The following LINGO2 variants were observed in gnomAD, a reference collection of about 807,000 sequenced individuals.
The protein encoded by LINGO2 is leucine rich repeat and Ig domain containing 2.
In LINGO2, 14 loss-of-function variants were observed where a neutral mutation model predicts 30.6. That is an observed-to-expected ratio of 0.46 (90% CI 0.30 to 0.72). The LOEUF is 0.72. Among genes scored for constraint, LINGO2 ranks in the 30% least tolerant of loss-of-function variants. The pLI, the probability that LINGO2 is intolerant of heterozygous loss-of-function variation, is 0.07. For missense variants in LINGO2, 729 were observed against 751.7 expected (o/e 0.97, Z 0.35); for synonymous variants, 317 against 288.5 (o/e 1.10, Z -1.00).
intron 1 of LINGO2, among the ~76,000 whole-genome samples, chr9:28,658,008 T>A (rs554092173): frequency 6.6e-6 from 1 of 152,190 alleles, no homozygotes; most frequent in South Asian, 2.1e-4. Context: ...CTTTTTCCCA[T>A]TGGTGGTTTG....
the LINGO2 span, among the ~76,000 whole-genome samples, chr9:28,795,953 C>T: frequency 6.8e-6 from 1 of 146,246 alleles, no homozygotes; most frequent in African/African-American, 2.6e-5. Flanking sequence ...TCAATGTATA[C>T]CTTTATATAT....
At chr9:28,403,153 G>T in intron 2 of LINGO2, among the ~76,000 whole-genome samples, 1 of 152,122 alleles carries the variant, frequency 6.6e-6, no homozygotes, top group Admixed American at 6.5e-5. Flanking sequence ...CCCCTCTGCT[G>T]CTCCAGATTT....
the LINGO2 span, among the ~76,000 whole-genome samples, chr9:28,956,456 T>C: frequency 2.0e-5 from 3 of 152,278 alleles, no homozygotes; most frequent in Middle Eastern, 3.4e-3. Flanking sequence ...TGTTTCTTTA[T>C]CTGTAAAGTG....
the LINGO2 span, among the ~76,000 whole-genome samples, chr9:28,947,116 T>C: frequency 6.6e-6 from 1 of 152,074 alleles, no homozygotes; most frequent in African/African-American, 2.4e-5. Flanking sequence ...TATCTATATC[T>C]AGATCTGTAT....
At chr9:28,599,883 CAA>C (rs1244730540) in intron 1 of LINGO2, among the ~76,000 whole-genome samples, 1 of 152,026 alleles carries the variant, frequency 6.6e-6, no homozygotes, top group East Asian at 1.9e-4. Context: ...GGCAAGGAAA[CAA>C]GAGAAACCAT....
At chr9:28,320,464 A>G (rs1244332311) in intron 3 of LINGO2, among the ~76,000 whole-genome samples, 1 of 152,122 alleles carries the variant, frequency 6.6e-6, no homozygotes, top group East Asian at 1.9e-4. Flanking sequence ...CAGTAGTTAT[A>G]TTTACTTTTC....
intron 4 of LINGO2, among the ~76,000 whole-genome samples, chr9:28,107,624 A>G (rs1009357993): frequency 1.3e-5 from 2 of 152,168 alleles, no homozygotes; most frequent in African/African-American, 4.8e-5. Context: ...GTTATAGGAC[A>G]GAGTATTTCT....
At chr9:28,151,520 A>G (rs1827999968) in intron 4 of LINGO2, among the ~76,000 whole-genome samples, 1 of 151,890 alleles carries the variant, frequency 6.6e-6, no homozygotes, top group African/African-American at 2.4e-5. Context: ...AATCAAGTCA[A>G]GATCAACTTA....
chr9:28,402,433 ATCAAGGTG>A (rs916867988), intron 2 of LINGO2, among the ~76,000 whole-genome samples: 6 of 152,172 alleles, frequency 3.9e-5, no homozygotes, highest in African/African-American at 1.4e-4. Flanking sequence ...AGAAATCATC[ATCAAGGTG>A]TCAAAAAACA....
At chr9:27,944,131 T>C (rs1823274451), downstream of LINGO2, 1 of 152,220 alleles carries the variant, frequency 6.6e-6, no homozygotes, top group Non-Finnish European at 1.5e-5. Context: ...TCACATAAGA[T>C]AAGGAAGTTC....
chr9:28,955,924 T>C, the LINGO2 span, among the ~76,000 whole-genome samples: 1 of 152,036 alleles, frequency 6.6e-6, no homozygotes, highest in African/African-American at 2.4e-5. Flanking sequence ...TGAACGACCA[T>C]GCCCAGCCCC....
the LINGO2 span, among the ~76,000 whole-genome samples, chr9:28,981,065 A>G: frequency 6.6e-6 from 1 of 152,138 alleles, no homozygotes; most frequent in East Asian, 1.9e-4. Context: ...GACCATAATC[A>G]ACACTTTGCT....
chr9:28,999,668 T>A, the LINGO2 span, among the ~76,000 whole-genome samples: 1 of 152,060 alleles, frequency 6.6e-6, no homozygotes, highest in Admixed American at 6.6e-5. Flanking sequence ...TATTTCTGAA[T>A]GTTTGATACA....
At chr9:28,815,246 C>A in the LINGO2 span, among the ~76,000 whole-genome samples, 4 of 152,024 alleles carry the variant, frequency 2.6e-5, no homozygotes, top group African/African-American at 9.7e-5. Context: ...TGAGAAGGAG[C>A]AAATGAGAAA....
intron 4 of LINGO2, among the ~76,000 whole-genome samples, chr9:28,030,056 A>G (rs1369076790): frequency 6.6e-6 from 1 of 152,184 alleles, no homozygotes; most frequent in African/African-American, 2.4e-5. Flanking sequence ...GCTGATCCCC[A>G]AGGAGAAGGT....
chr9:28,272,446 C>T (rs531334522), intron 4 of LINGO2, among the ~76,000 whole-genome samples: 98 of 151,852 alleles, frequency 6.5e-4, no homozygotes, highest in Non-Finnish European at 1.2e-3. Flanking sequence ...CCCATATCGT[C>T]ACATGGCTTT....
At chr9:27,965,904 T>C (rs1820078515) in intron 5 of LINGO2, among the ~76,000 whole-genome samples, 1 of 152,080 alleles carries the variant, frequency 6.6e-6, no homozygotes, top group African/African-American at 2.4e-5. Flanking sequence ...CAGTATAAGG[T>C]AATGGCTAAA....
At chr9:29,082,195 T>C in the LINGO2 span, among the ~76,000 whole-genome samples, 2 of 152,112 alleles carry the variant, frequency 1.3e-5, no homozygotes, top group African/African-American at 4.8e-5. Context: ...AAGGCTACAG[T>C]AACCAAAACA....
At chr9:28,777,363 G>C in the LINGO2 span, among the ~76,000 whole-genome samples, 69 of 152,148 alleles carry the variant, frequency 4.5e-4, no homozygotes, top group Non-Finnish European at 5.3e-4. Flanking sequence ...AAGTAGGCAG[G>C]GTCCTATTTT....
Sources: allele counts gnomAD v4.1 joint callset (sites outside exome capture counted in the v4.1 genomes callset), GRCh38; gene constraint gnomAD v4.1.1; transcripts MANE v1.5; gene names NCBI Gene and HGNC (gene_info 2026-07-23, HGNC 2026-07-21).